Variants in C8A observed in about 807,000 individuals in gnomAD.
C8A encodes complement component C8 alpha chain.
A neutral mutation model predicts 65.3 loss-of-function variants in C8A; 67 were observed. That is an observed-to-expected ratio of 1.03 (90% CI 0.84 to 1.26). The LOEUF (loss-of-function observed/expected upper bound fraction) is 1.26. Ranked by LOEUF, C8A falls within the 50% of genes most tolerant of loss-of-function variation. C8A has a pLI of 0.00. For synonymous variants in C8A, 290 were observed against 259.4 expected (o/e 1.12, Z -1.13); for missense variants, 781 against 723.9 (o/e 1.08, Z -0.90).
intron 8 of C8A, 36 bp from the exon 9 acceptor site, chr1:56,907,920 G>A: frequency 1.2e-6 from 2 of 1,613,516 alleles, no homozygotes; most frequent in Non-Finnish European, 1.7e-6. Context: ...GGCTTTTTGG[G>A]AAATGAGTTA....
chr1:56,911,680 G>A (rs1017995531), intron 9 of C8A, among the ~76,000 whole-genome samples: 1 of 152,172 alleles, frequency 6.6e-6, no homozygotes, highest in South Asian at 2.1e-4. Context: ...AACTTGATAC[G>A]CAATAGTGCC....
chr1:56,882,986 A>G (rs1261447097), intron 5 of C8A, among the ~76,000 whole-genome samples: 5 of 152,200 alleles, frequency 3.3e-5, no homozygotes, highest in African/African-American at 9.6e-5. Flanking sequence ...AAACAAGGCC[A>G]AGACCATGTC....
At chr1:56,903,955 G>C (rs1217703340) in intron 7 of C8A, among the ~76,000 whole-genome samples, 4 of 152,184 alleles carry the variant, frequency 2.6e-5, no homozygotes, top group Non-Finnish European at 4.4e-5. Context: ...ACTGCAGTTT[G>C]ACCTGGTCCA....
chr1:56,893,018 A>G (rs535962971), intron 7 of C8A, among the ~76,000 whole-genome samples: 3 of 152,320 alleles, frequency 2.0e-5, no homozygotes, highest in East Asian at 3.9e-4. Context: ...AGCCGTAGCC[A>G]TTCTGCCACC....
At chr1:56,899,956 G>C (rs932130441) in intron 7 of C8A, among the ~76,000 whole-genome samples, 1 of 152,212 alleles carries the variant, frequency 6.6e-6, no homozygotes, top group Non-Finnish European at 1.5e-5. Context: ...TCCAGCTCAG[G>C]TAGTCTCTGT....
At chr1:56,870,870 A>C (rs1644140834) in intron 2 of C8A, among the ~76,000 whole-genome samples, 1 of 152,168 alleles carries the variant, frequency 6.6e-6, no homozygotes, top group East Asian at 1.9e-4. Flanking sequence ...TCTTCTTCTC[A>C]AAATCATCCA....
chr1:56,857,057 G>A (rs189540736), intron 1 of C8A, among the ~76,000 whole-genome samples: 225 of 152,034 alleles, frequency 1.5e-3, no homozygotes, highest in African/African-American at 5.0e-3. Context: ...ATTGGGATTT[G>A]TTTTTTACTA....
intron 7 of C8A, among the ~76,000 whole-genome samples, chr1:56,888,840 G>A (rs1472580735): frequency 8.5e-5 from 13 of 152,196 alleles, no homozygotes. Context: ...TTTAGAGATC[G>A]GTGTTGTCCA....
intron 1 of C8A, among the ~76,000 whole-genome samples, chr1:56,855,753 T>C (rs771068920): frequency 2.6e-4 from 39 of 152,054 alleles, no homozygotes; most frequent in Non-Finnish European, 4.4e-4. Context: ...AGATTTTAAA[T>C]AGAATTATTT....
chr1:56,867,801 G>T lies in C8A; in HGVS notation c.171+99G>T, dbSNP rs958853478. 8 of 838,474 alleles carry T rather than the reference G, an allele frequency of 9.5e-6. No homozygotes were observed. The Admixed American group carries it at 1.5e-4, about 16-fold the overall frequency. The allele number at this position is 838,474 out of a possible 1,614,324, so 51.9% of individuals were successfully genotyped here. On this transcript the variant is annotated intron_variant, in intron 2 of 10. Transcript: ENST00000361249. Reference sequence around the variant, plus strand: ...CAGTCCACTATGTCTAGGGGCCTGGGGAGAAATTGGGTCTAGAAATTGTTG... The same window carrying T: ...CAGTCCACTATGTCTAGGGGCCTGGTGAGAAATTGGGTCTAGAAATTGTTG...
intron 7 of C8A, among the ~76,000 whole-genome samples, chr1:56,898,771 C>T (rs757530531): frequency 7.2e-5 from 11 of 152,106 alleles, no homozygotes; most frequent in South Asian, 4.1e-4. Context: ...AGAGACTCAG[C>T]GTCTTTCTAG....
At chr1:56,870,470 T>C (rs1644134106) in intron 2 of C8A, among the ~76,000 whole-genome samples, 1 of 152,124 alleles carries the variant, frequency 6.6e-6, no homozygotes, top group South Asian at 2.1e-4. Context: ...TGTATCTGCC[T>C]GTAATCTCTC....
intron 2 of C8A, among the ~76,000 whole-genome samples, chr1:56,869,838 C>A (rs1644126295): frequency 6.6e-6 from 1 of 152,174 alleles, no homozygotes; most frequent in Admixed American, 6.5e-5. Flanking sequence ...TTTCTCTCAC[C>A]TGAGTTCTTG....
intron 4 of C8A, among the ~76,000 whole-genome samples, chr1:56,878,346 G>T (rs984052571): frequency 6.6e-6 from 1 of 152,170 alleles, no homozygotes; most frequent in African/African-American, 2.4e-5. Context: ...AATAAAAGGG[G>T]ATTCTTGTTG....
At chr1:56,868,700 T>C (rs1644115296) in intron 2 of C8A, among the ~76,000 whole-genome samples, 1 of 152,204 alleles carries the variant, frequency 6.6e-6, no homozygotes, top group Non-Finnish European at 1.5e-5. Context: ...CAGACTCACA[T>C]GCCTGTATCA....
intron 2 of C8A, among the ~76,000 whole-genome samples, chr1:56,869,116 A>C (rs1342974562): frequency 6.6e-6 from 1 of 152,182 alleles, no homozygotes; most frequent in Non-Finnish European, 1.5e-5. Context: ...TGGTGCTCCC[A>C]TCACCTGAGC....
At chr1:56,878,140 G>A (rs562288621) in intron 4 of C8A, among the ~76,000 whole-genome samples, 4 of 152,032 alleles carry the variant, frequency 2.6e-5, no homozygotes, top group Non-Finnish European at 4.4e-5. Flanking sequence ...TTCTTCCCTC[G>A]TACATATCTG....
At chr1:56,859,606 G>A (rs1340851317) in intron 1 of C8A, among the ~76,000 whole-genome samples, 1 of 152,168 alleles carries the variant, frequency 6.6e-6, no homozygotes, top group African/African-American at 2.4e-5. Flanking sequence ...TGTGCATCTA[G>A]CACACAGTGG....
intron 9 of C8A, among the ~76,000 whole-genome samples, chr1:56,908,931 T>C (rs1322825094): frequency 6.6e-6 from 1 of 152,218 alleles, no homozygotes; most frequent in Non-Finnish European, 1.5e-5. Flanking sequence ...TGTCTGGAGA[T>C]GTTTTTGATA....
Sources: allele counts gnomAD v4.1 joint callset (sites outside exome capture counted in the v4.1 genomes callset), GRCh38; gene constraint gnomAD v4.1.1; transcripts MANE v1.5; gene names NCBI Gene and HGNC (gene_info 2026-07-23, HGNC 2026-07-21).